Variants in UNC5D observed in about 807,000 individuals in gnomAD.
UNC5D encodes netrin receptor UNC5D.
A neutral mutation model predicts 105.4 loss-of-function variants in UNC5D; 39 were observed. The observed-to-expected ratio is 0.37, with a 90% CI of 0.29 to 0.48. UNC5D has a LOEUF of 0.48. Ranked by LOEUF, UNC5D falls within the 20% of genes least tolerant of loss-of-function variation. The pLI, the probability that UNC5D is intolerant of heterozygous loss-of-function variation, is 0.98. For missense variants in UNC5D, 991 were observed against 1,202.4 expected, an observed-to-expected ratio of 0.82 and a Z score of 2.60; for synonymous variants, 452 against 450.4, an observed-to-expected ratio of 1.00 and a Z score of -0.04.
At chr8:35,305,609 C>A (rs1433045175) in intron 1 of UNC5D, among the ~76,000 whole-genome samples, 5 of 140,602 alleles carry the variant, frequency 3.6e-5, no homozygotes, top group South Asian at 4.5e-4. Flanking sequence ...TTCTTTCTTT[C>A]TTTCTTTCTT....
intron 1 of UNC5D, among the ~76,000 whole-genome samples, chr8:35,506,395 A>AATGGAATTATCCTGATTGGCAT (rs1326815575): frequency 3.3e-5 from 5 of 152,234 alleles, no homozygotes; most frequent in Non-Finnish European, 4.4e-5. Flanking sequence ...TTGTATGGCA[A>AATGGAATTATCCTGATTGGCAT]ATGGAATTAT....
chr8:35,416,826 T>TA (rs1805562378), intron 1 of UNC5D, among the ~76,000 whole-genome samples: 1 of 152,222 alleles, frequency 6.6e-6, no homozygotes, highest in Non-Finnish European at 1.5e-5. Context: ...AATAATTTTA[T>TA]TTTTAGCACC....
intron 1 of UNC5D, 95 bp from the exon 2 acceptor site, chr8:35,549,197 C>T: frequency 2.6e-6 from 3 of 1,157,722 alleles, no homozygotes; most frequent in Admixed American, 4.3e-5. Context: ...ATTTCTCCAG[C>T]ACAGAATCTT....
intron 1 of UNC5D, among the ~76,000 whole-genome samples, chr8:35,293,291 A>C (rs1348991567): frequency 1.3e-5 from 2 of 152,186 alleles, no homozygotes; most frequent in African/African-American, 4.8e-5. Context: ...TTTCCTCTAA[A>C]AATGTCTCCA....
Position 35,699,835 on chromosome 8 carries a change from G to A in UNC5D, c.1085-6094G>A, listed in dbSNP as rs183572013. Among the ~76,000 whole-genome samples the A allele has an allele frequency of 7.2e-5, 11 of 152,184 alleles. No individual in the cohort carries two copies. The East Asian group carries it at 1.9e-3, about 27-fold the overall frequency. On this transcript the variant is annotated intron_variant, in intron 7 of 16. Transcript: ENST00000404895. ...TGACCAAGATCTTTAAAAATGAACTGAAAAGAAAAACGCAATAAGGAAACT... is the reference window on the plus strand; with the variant it reads ...TGACCAAGATCTTTAAAAATGAACTAAAAAGAAAAACGCAATAAGGAAACT...
At chr8:35,621,129 G>C (rs1483646042) in intron 4 of UNC5D, among the ~76,000 whole-genome samples, 2 of 152,148 alleles carry the variant, frequency 1.3e-5, no homozygotes, top group Non-Finnish European at 2.9e-5. Flanking sequence ...GTTATTCCTG[G>C]CTGAGAATCC....
At position 35,542,343 on chromosome 8, in the gene UNC5D, T is replaced by A. The variant is rs150245942; in HGVS notation, c.104-6949T>A. ...GAAGGCAGAAAGCCTGGCTCTATTG[T>A]ATTCTCTTTTAGATTATGTAACTTG... On this transcript the variant is annotated intron_variant, in intron 1 of 16. Coordinates refer to ENST00000404895, the MANE Select transcript of UNC5D (RefSeq NM_080872.4). Among the ~76,000 whole-genome samples, 3 of 152,360 alleles carry A rather than the reference T, an allele frequency of 2.0e-5. No homozygotes were observed. In the East Asian group the frequency reaches 5.8e-4, roughly 29 times the overall value.
intron 1 of UNC5D, among the ~76,000 whole-genome samples, chr8:35,242,613 G>T (rs550655329): frequency 6.6e-6 from 1 of 152,094 alleles, no homozygotes; most frequent in Admixed American, 6.6e-5. Flanking sequence ...GAGTAGCTGG[G>T]ATTACAGGCA....
intron 1 of UNC5D, among the ~76,000 whole-genome samples, chr8:35,533,917 C>T (rs952853280): frequency 6.6e-5 from 10 of 152,170 alleles, no homozygotes; most frequent in Non-Finnish European, 1.2e-4. Context: ...GCGCACGGTG[C>T]GCGCACCCAC....
chr8:35,387,384 C>T (rs895789981), intron 1 of UNC5D, among the ~76,000 whole-genome samples: 1 of 127,748 alleles, frequency 7.8e-6, no homozygotes, highest in East Asian at 2.4e-4. Context: ...AAGAGAAACG[C>T]AGATTCTCAG....
intron 1 of UNC5D, among the ~76,000 whole-genome samples, chr8:35,463,479 TG>T (rs1164712431): frequency 3.3e-5 from 5 of 152,314 alleles, no homozygotes; most frequent in African/African-American, 1.2e-4. Flanking sequence ...CTTAGTGCTA[TG>T]TGATCTTACA....
rs577493833 is a variant in UNC5D at position 35,325,264 on chromosome 8, A to G, written c.103+89377A>G. Among the ~76,000 whole-genome samples, 3 of 152,306 alleles carry G rather than the reference A, an allele frequency of 2.0e-5. No homozygotes were observed. The South Asian group carries it at 6.2e-4, about 32-fold the overall frequency. On this transcript the variant is annotated intron_variant, in intron 1 of 16. Coordinates refer to ENST00000404895, the MANE Select transcript of UNC5D (RefSeq NM_080872.4). ...GCACATAAGACACTAGGCATTAGGG[A>G]TGAATAAAACATGCTAGTAATTATT...
At position 35,763,969 on chromosome 8, in the gene UNC5D, A is replaced by G. The variant is rs182734337; in HGVS notation, c.2314-2933A>G. Among the ~76,000 whole-genome samples the G allele has an allele frequency of 9.9e-5, 15 of 152,260 alleles. No individual in the cohort carries two copies. In the East Asian group the frequency reaches 2.7e-3, roughly 28 times the overall value. ...TTGCCTGCCCCCAATCATTAGAGGT[A>G]AAAAAGAGACCATAATGCTATTTCC... is the stretch of plus-strand genomic sequence containing the variant. On this transcript the variant is annotated intron_variant, in intron 14 of 16. Coordinates refer to ENST00000404895, the MANE Select transcript of UNC5D (RefSeq NM_080872.4).
At chr8:35,603,593 A>G (rs558092145) in intron 4 of UNC5D, among the ~76,000 whole-genome samples, 90 of 152,020 alleles carry the variant, frequency 5.9e-4, no homozygotes, top group African/African-American at 1.1e-3. Flanking sequence ...ATTCCTGGGT[A>G]TCCTTGTTGA....
chr8:35,362,903 G>A (rs1442205529), intron 1 of UNC5D, among the ~76,000 whole-genome samples: 1 of 151,920 alleles, frequency 6.6e-6, no homozygotes, highest in African/African-American at 2.4e-5. Flanking sequence ...ATAAAAATAG[G>A]TGACCAGCCA....
intron 9 of UNC5D, among the ~76,000 whole-genome samples, chr8:35,723,766 T>C (rs901459221): frequency 6.6e-6 from 1 of 152,132 alleles, no homozygotes; most frequent in Non-Finnish European, 1.5e-5. Flanking sequence ...TAATAAAATA[T>C]CAATATCTTA....
chr8:35,691,469 A>G (rs896253735), intron 7 of UNC5D, among the ~76,000 whole-genome samples: 1 of 152,096 alleles, frequency 6.6e-6, no homozygotes, highest in Non-Finnish European at 1.5e-5. Context: ...CCTGGCTGAC[A>G]AAGGGAGACC....
intron 1 of UNC5D, among the ~76,000 whole-genome samples, chr8:35,351,605 G>A: frequency 6.6e-6 from 1 of 152,018 alleles, no homozygotes. Flanking sequence ...AAAGACTGAG[G>A]ATTATTGTCC....
At chr8:35,582,721 A>T (rs1361655911) in intron 3 of UNC5D, among the ~76,000 whole-genome samples, 1 of 152,186 alleles carries the variant, frequency 6.6e-6, no homozygotes, top group Non-Finnish European at 1.5e-5. Context: ...ACTCTTTTCT[A>T]GCCCTTTGTT....
Sources: allele counts gnomAD v4.1 joint callset (sites outside exome capture counted in the v4.1 genomes callset), GRCh38; gene constraint gnomAD v4.1.1; transcripts MANE v1.5; gene names NCBI Gene and HGNC (gene_info 2026-07-23, HGNC 2026-07-21).